The following BRWD1 variants were observed in gnomAD, a reference collection of about 807,000 sequenced individuals.
The protein encoded by BRWD1 is bromodomain and WD repeat-containing protein 1.
In BRWD1, 82 loss-of-function variants were observed where a neutral mutation model predicts 251.2. The ratio of observed to expected loss-of-function variants is 0.33; its 90% CI spans 0.27 to 0.39. BRWD1 has a LOEUF of 0.39. Among genes scored for constraint, BRWD1 ranks in the 10% least tolerant of loss-of-function variants. The probability of loss-of-function intolerance (pLI) is 1.00; values close to 1 mark genes in which losing one functional copy is unlikely to be tolerated. For synonymous variants in BRWD1, 918 were observed against 902.8 expected, an observed-to-expected ratio of 1.02 and a Z score of -0.30; for missense variants, 2,233 against 2,711.6, an observed-to-expected ratio of 0.82 and a Z score of 3.92.
chr21:39,260,645 A>T (rs1363886828), intron 17 of BRWD1, among the ~76,000 whole-genome samples: 1 of 152,214 alleles, frequency 6.6e-6, no homozygotes, highest in African/African-American at 2.4e-5. Flanking sequence ...GCTTTCAGAC[A>T]CTGGACAACA....
chr21:39,187,331 T>C lies in BRWD1; in HGVS notation c.*8928A>G. 6.2e-7 allele frequency: 1 copy of C among 1,613,822 alleles called. No individual in the cohort carries two copies. Among genetic ancestry groups the C allele is most frequent in the African/African-American group, 1.3e-5 (1 of 74,990 alleles). On this transcript the variant is annotated 3_prime_UTR_variant, in exon 41 of 41. Transcript: ENST00000342449. ...TCAGGTACCATTTTTGCTTTCAGAG[T>C]TTCACTAGGCATCTGCACTGCATCC...
chr21:39,316,263 TAAA>T (rs960373096), upstream of BRWD1, among the ~76,000 whole-genome samples: 33 of 152,166 alleles, frequency 2.2e-4, no homozygotes, highest in East Asian at 1.2e-3. Context: ...TGGGGTGAAA[TAAA>T]AACCACAAAA....
chr21:39,303,849 T>C (rs984882676), intron 4 of BRWD1, among the ~76,000 whole-genome samples: 3 of 148,532 alleles, frequency 2.0e-5, no homozygotes, highest in Admixed American at 2.0e-4. Flanking sequence ...AGAAAAGAAA[T>C]ACAGAGTAGT....
At position 39,294,016 on chromosome 21, in the gene BRWD1, A is replaced by G; in HGVS notation, c.626T>C (p.Leu209Ser). 1 of 1,614,048 alleles carries G rather than the reference A, an allele frequency of 6.2e-7. No individual in the cohort carries two copies. Among genetic ancestry groups the G allele is most frequent in the South Asian group, 1.1e-5 (1 of 91,064 alleles). Reference protein sequence around the residue: ...HRIFTGSDDCLVKIWSTHNGR... With the variant: ...HRIFTGSDDCSVKIWSTHNGR... ...ATTATGTGTTGACCAAATCTTTACC[A>G]AACAGTCATCTGAACCCTAAGAAAA... is the stretch of plus-strand genomic sequence containing the variant. Residue 209 changes from leucine (L) to serine (S), a missense_variant, in exon 8 of 41, where the codon TTG becomes TCG. Transcript: ENST00000342449.
chr21:39,270,049 T>C lies in BRWD1; in HGVS notation c.1396-16A>G, dbSNP rs377538658. On this transcript the variant is annotated splice_polypyrimidine_tract_variant and intron_variant, in intron 14 of 40. Transcript: ENST00000342449. Reference sequence around the variant, plus strand: ...CAGCATGTCCCTTTATTTAACAAAGTCATAACATTAAGGAGGGTTTACAAG... The same window carrying C: ...CAGCATGTCCCTTTATTTAACAAAGCCATAACATTAAGGAGGGTTTACAAG... 62 of 1,545,892 alleles carry C rather than the reference T, an allele frequency of 4.0e-5. No homozygotes were observed. The highest frequency in any genetic ancestry group is 4.7e-5 in the Non-Finnish European group (54 of 1,146,470).
Position 39,196,754 on chromosome 21 carries a change from T to C in BRWD1, c.6315A>G (p.Gly2105=). 1 of 1,613,504 alleles carries C rather than the reference T, an allele frequency of 6.2e-7. No homozygotes were observed. Among genetic ancestry groups the C allele is most frequent in the Non-Finnish European group, 8.5e-7 (1 of 1,179,896 alleles). The change falls in exon 41 of 41, where the codon GGA becomes GGG. Residue 2105 remains glycine (G), a synonymous_variant. Coordinates refer to ENST00000342449, the MANE Select transcript of BRWD1 (RefSeq NM_033656.4). The part of the protein sequence containing the change: ...RWNGRRLRTY[G]KAPFSKTKVI... ...CTTTTGTCTTACTAAAAGGAGCCTT[T>C]CCATAGGTCCTGAGTCTTCTGCCAT...
At chr21:39,304,229 T>A (rs1407005650) in intron 4 of BRWD1, among the ~76,000 whole-genome samples, 2 of 149,332 alleles carry the variant, frequency 1.3e-5, no homozygotes, top group East Asian at 1.9e-4. Flanking sequence ...TAATACTTGA[T>A]TAATCAAAAA....
At chr21:39,219,098 C>T (rs1037087403) in intron 29 of BRWD1, among the ~76,000 whole-genome samples, 27 of 151,934 alleles carry the variant, frequency 1.8e-4, no homozygotes, top group Non-Finnish European at 2.6e-4. Flanking sequence ...TTTAAGGGAG[C>T]GCAAATGAAA....
chr21:39,312,579 C>T (rs2036525761), intron 4 of BRWD1: 1 of 349,164 alleles, frequency 2.9e-6, no homozygotes. Context: ...GCACCTGGAG[C>T]CCCACCCCTG....
At chr21:39,318,650 T>A (rs2036720973), upstream of BRWD1, among the ~76,000 whole-genome samples, 1 of 152,178 alleles carries the variant, frequency 6.6e-6, no homozygotes, top group Non-Finnish European at 1.5e-5. Context: ...TTGTTTTGTT[T>A]TTTTCCGCTT....
Position 39,186,200 on chromosome 21 carries a change from G to C in BRWD1, c.*10059C>G, listed in dbSNP as rs1392444966. On this transcript the variant is annotated 3_prime_UTR_variant, in exon 41 of 41. Transcript: ENST00000342449. ...ATTTTTATCTAACTGATTAAGACCT[G>C]CCTCTTAATGAGGCACATTTTTGGC... 6.6e-6 allele frequency: 1 copy of C among 152,120 alleles called. No individual in the cohort carries two copies. The highest frequency in any genetic ancestry group is 1.5e-5 in the Non-Finnish European group (1 of 68,006). The allele number at this position is 152,120 out of a possible 1,614,324, so 9.4% of individuals were successfully genotyped here.
intron 32 of BRWD1, among the ~76,000 whole-genome samples, chr21:39,214,045 G>A (rs975050349): frequency 6.6e-6 from 1 of 152,022 alleles, no homozygotes; most frequent in African/African-American, 2.4e-5. Context: ...ACAAAAATGG[G>A]TAGATAATTT....
intron 17 of BRWD1, among the ~76,000 whole-genome samples, chr21:39,260,453 A>G (rs2034705602): frequency 1.3e-5 from 2 of 152,190 alleles, no homozygotes; most frequent in Admixed American, 6.5e-5. Flanking sequence ...CTTTTCTTTC[A>G]TAGCACAGAA....
In BRWD1 at chr21:39,189,361, T is replaced by C. The variant is rs1405009046; in HGVS notation, c.*6898A>G. 7.1e-6 allele frequency: 7 copies of C among 984,806 alleles called. No individual in the cohort carries two copies. In the African/African-American group the frequency reaches 1.0e-4, roughly 15 times the overall value. The allele number at this position is 984,806 out of a possible 1,614,324, so 61.0% of individuals were successfully genotyped here. ...AATGCTTTAAGTTGCAGAAATTCCA[T>C]TTTGATGTGTGATCAAAGTACCTAT... On this transcript the variant is annotated 3_prime_UTR_variant, in exon 41 of 41. Coordinates refer to ENST00000342449, the MANE Select transcript of BRWD1 (RefSeq NM_033656.4).
chr21:39,262,512 C>G (rs1001787825), intron 17 of BRWD1, among the ~76,000 whole-genome samples: 1 of 152,138 alleles, frequency 6.6e-6, no homozygotes, highest in Non-Finnish European at 1.5e-5. Context: ...GTCAAGAGAT[C>G]GAGACCATCC....
At chr21:39,274,997 G>T (rs1158616679) in intron 12 of BRWD1, among the ~76,000 whole-genome samples, 1 of 151,814 alleles carries the variant, frequency 6.6e-6, no homozygotes, top group Non-Finnish European at 1.5e-5. Context: ...GTGAGCCGAG[G>T]CTGCACCACT....
intron 7 of BRWD1, among the ~76,000 whole-genome samples, chr21:39,294,766 C>T (rs2146751245): frequency 6.6e-6 from 1 of 152,054 alleles, no homozygotes; most frequent in East Asian, 1.9e-4. Flanking sequence ...AAGTGGCAAT[C>T]CCAAAAACAA....
intron 27 of BRWD1, among the ~76,000 whole-genome samples, chr21:39,225,609 A>T (rs1267321309): frequency 6.6e-6 from 1 of 152,202 alleles, no homozygotes; most frequent in Non-Finnish European, 1.5e-5. Flanking sequence ...TTTCTCAAGG[A>T]AAGTTTTATA....
chr21:39,304,867 T>C (rs963481943), intron 4 of BRWD1, among the ~76,000 whole-genome samples: 15 of 149,868 alleles, frequency 1.0e-4, no homozygotes, highest in African/African-American at 3.7e-4. Flanking sequence ...GTCAATTCAA[T>C]AGGAAAACAA....
Sources: allele counts gnomAD v4.1 joint callset (sites outside exome capture counted in the v4.1 genomes callset), GRCh38; gene constraint gnomAD v4.1.1; transcripts MANE v1.5; gene names NCBI Gene and HGNC (gene_info 2026-07-23, HGNC 2026-07-21).